Variants in LIPI observed in about 807,000 individuals in gnomAD.
The protein encoded by LIPI is lipase I, also known as lipase member I.
Under a neutral mutation model 50.6 loss-of-function variants are expected in LIPI, and 59 were observed. The ratio of observed to expected loss-of-function variants is 1.16; its 90% confidence interval spans 0.94 to 1.45. LIPI has a LOEUF of 1.45. Ranked by LOEUF, LIPI falls within the 40% of genes most tolerant of loss-of-function variation. The pLI is 0.00. For synonymous variants in LIPI, 203 were observed against 178.2 expected, an observed-to-expected ratio of 1.14 and a Z score of -1.11; for missense variants, 586 against 536.3, an observed-to-expected ratio of 1.09 and a Z score of -0.92.
chr21:14,129,124 G>C (rs958370377), intron 9 of LIPI, among the ~76,000 whole-genome samples: 1 of 152,012 alleles, frequency 6.6e-6, no homozygotes, highest in Non-Finnish European at 1.5e-5. Context: ...TTATGACGTG[G>C]TCAGCCTGTT....
intron 7 of LIPI, among the ~76,000 whole-genome samples, chr21:14,161,224 T>C (rs772021361): frequency 2.0e-5 from 3 of 150,330 alleles, no homozygotes; most frequent in Non-Finnish European, 4.5e-5. Flanking sequence ...CCAGATGCTC[T>C]TCAACAGGTG....
In LIPI at chr21:14,186,064, A is replaced by G. The variant is rs765526314; in HGVS notation, c.438T>C (p.His146=). Residue 146 remains histidine, a synonymous_variant, in exon 3 of 10, where the codon CAT becomes CAC. Transcript: ENST00000681601. ...LSVHIKNLLK[H]GASLDNFHFI... ...AATGAAAATTGTCAAGAGATGCACC[A>G]TGCTTCTGCAATTAAAGAGAAAGGC... 6.5e-7 allele frequency: 1 copy of G among 1,549,414 alleles called. No individual in the cohort carries two copies. Among genetic ancestry groups the G allele is most frequent in the Non-Finnish European group, 8.9e-7 (1 of 1,121,210 alleles).
chr21:14,210,196 G>T (rs933161630), intron 1 of LIPI, among the ~76,000 whole-genome samples: 4 of 151,778 alleles, frequency 2.6e-5, no homozygotes, highest in Non-Finnish European at 4.4e-5. Context: ...CTTATAAGTC[G>T]AACAAGTAAT....
chr21:14,206,638 C>T (rs1258396275), intron 1 of LIPI, among the ~76,000 whole-genome samples: 7 of 151,978 alleles, frequency 4.6e-5, no homozygotes, highest in Admixed American at 1.3e-4. Context: ...ATGAAAACCT[C>T]CTTCATTCTC....
At chr21:14,157,873 G>T (rs1429882254) in intron 7 of LIPI, among the ~76,000 whole-genome samples, 1 of 151,790 alleles carries the variant, frequency 6.6e-6, no homozygotes, top group Non-Finnish European at 1.5e-5. Context: ...GAACAAGAAT[G>T]CTATAACTGG....
At chr21:14,157,049 T>C (rs566064270) in intron 7 of LIPI, among the ~76,000 whole-genome samples, 1 of 151,962 alleles carries the variant, frequency 6.6e-6, no homozygotes, top group Admixed American at 6.6e-5. Flanking sequence ...AAAGCAGAAA[T>C]TGTAAATGAA....
chr21:14,143,288 C>T (rs2017780191), intron 9 of LIPI, among the ~76,000 whole-genome samples: 2 of 152,070 alleles, frequency 1.3e-5, no homozygotes, highest in Admixed American at 1.3e-4. Flanking sequence ...AATGTTCCTG[C>T]CGAAAATGTT....
At chr21:14,200,430 C>CA (rs2020012646) in intron 1 of LIPI, among the ~76,000 whole-genome samples, 1 of 151,986 alleles carries the variant, frequency 6.6e-6, no homozygotes, top group Non-Finnish European at 1.5e-5. Flanking sequence ...AATCAATGTG[C>CA]AAAAATCACT....
At chr21:14,203,441 C>G (rs574572012) in intron 1 of LIPI, among the ~76,000 whole-genome samples, 2 of 152,110 alleles carry the variant, frequency 1.3e-5, no homozygotes, top group African/African-American at 4.8e-5. Flanking sequence ...ACCCAAATGT[C>G]CATCAATGAT....
chr21:14,144,608 A>T lies in LIPI; in HGVS notation c.1295+15T>A. 1 of 1,399,622 alleles carries T rather than the reference A, an allele frequency of 7.1e-7. No individual in the cohort carries two copies. Among genetic ancestry groups the T allele is most frequent in the Non-Finnish European group, 1.0e-6 (1 of 992,960 alleles). The allele number at this position is 1,399,622 out of a possible 1,614,324, so 86.7% of individuals were successfully genotyped here. On this transcript the variant is annotated intron_variant, in intron 9 of 9. Transcript: ENST00000681601. ...TAAAAGATAACATGTTGAAATCAAAATTTAATTTTCTTACCTTTCTGGGTA... is the reference window on the plus strand; with the variant it reads ...TAAAAGATAACATGTTGAAATCAAATTTTAATTTTCTTACCTTTCTGGGTA...
chr21:14,163,555 G>T (rs1168486508), intron 6 of LIPI, 32 bp from the exon 7 acceptor site: 10 of 1,034,606 alleles, frequency 9.7e-6, no homozygotes, highest in Non-Finnish European at 1.5e-5. Flanking sequence ...ATTAGAAATT[G>T]GATTTCCATC....
intron 9 of LIPI, among the ~76,000 whole-genome samples, chr21:14,121,582 C>G (rs967959257): frequency 6.6e-6 from 1 of 152,236 alleles, no homozygotes; most frequent in Admixed American, 6.5e-5. Flanking sequence ...GTTAGCCTTA[C>G]AGATGCAATA....
At chr21:14,155,813 A>T (rs2018252585) in intron 7 of LIPI, among the ~76,000 whole-genome samples, 1 of 151,982 alleles carries the variant, frequency 6.6e-6, no homozygotes, top group South Asian at 2.1e-4. Context: ...ATCCTTAGAG[A>T]TAGTCAGAAG....
Position 14,118,221 on chromosome 21 carries a change from A to G in LIPI, c.1296-9141T>C, listed in dbSNP as rs540428192. Among the ~76,000 whole-genome samples the G allele has an allele frequency of 1.2e-4, 19 of 152,236 alleles. 2 individuals carry two copies. Among genetic ancestry groups the G allele is most frequent in the South Asian group, 1.2e-3 (6 of 4,822 alleles). On this transcript the variant is annotated intron_variant, in intron 9 of 9. Coordinates refer to ENST00000681601, the MANE Select transcript of LIPI (RefSeq NM_001302998.2). ...CAATGACTACCTTGAAGACTGAGAC[A>G]GATCGGGCTCCATCTCATTAGGCCC...
At chr21:14,194,042 A>G (rs1345181647) in intron 1 of LIPI, among the ~76,000 whole-genome samples, 1 of 152,178 alleles carries the variant, frequency 6.6e-6, no homozygotes, top group Non-Finnish European at 1.5e-5. Flanking sequence ...AACAAGCTCA[A>G]TATCACTATC....
At chr21:14,205,302 TATC>T (rs2020193736) in intron 1 of LIPI, among the ~76,000 whole-genome samples, 1 of 151,912 alleles carries the variant, frequency 6.6e-6, no homozygotes, top group African/African-American at 2.4e-5. Context: ...AAAAATAAAT[TATC>T]ATGTATTTCT....
At chr21:14,194,529 A>G (rs1363257080) in intron 1 of LIPI, among the ~76,000 whole-genome samples, 1 of 152,202 alleles carries the variant, frequency 6.6e-6, no homozygotes, top group Non-Finnish European at 1.5e-5. Flanking sequence ...ATGTCAAGTG[A>G]AAATAAACTG....
In LIPI at chr21:14,189,157, T is replaced by C; in HGVS notation, c.309A>G (p.Glu103=). 2 of 1,614,146 alleles carry C rather than the reference T, an allele frequency of 1.2e-6. No individual in the cohort carries two copies. Among genetic ancestry groups the C allele is most frequent in the Non-Finnish European group, 1.7e-6 (2 of 1,180,014 alleles). The change falls in exon 2 of 10, where the codon GAA becomes GAG. Residue 103 remains glutamate (E), a synonymous_variant. Transcript: ENST00000681601. ...CTACTACAATTACATTCATATCTTC[T>C]TCATTCAGCAAAATCCTTACGAAGT... ...LQNFVRILLN[E]EDMNVIVVDW...
At chr21:14,128,870 CTA>C (rs1039915569) in intron 9 of LIPI, among the ~76,000 whole-genome samples, 7 of 152,142 alleles carry the variant, frequency 4.6e-5, no homozygotes, top group Admixed American at 2.6e-4. Context: ...CAGAGCCTTC[CTA>C]TATCCTTAAC....
Sources: gnomAD v4.1 joint callset for allele counts (sites outside exome capture counted in the v4.1 genomes callset) on GRCh38, gnomAD v4.1.1 for gene constraint, MANE v1.5 for transcripts, NCBI Gene and HGNC (gene_info 2026-07-23, HGNC 2026-07-21) for gene names.